Variants in SLC8B1 observed in about 807,000 individuals in gnomAD.
SLC8B1 encodes the protein solute carrier family 8 member B1, also known as mitochondrial sodium/calcium exchanger protein.
A neutral mutation model predicts 63.4 loss-of-function variants in SLC8B1; 52 were observed. That is an observed-to-expected ratio of 0.82 (90% CI 0.66 to 1.03). The LOEUF is 1.03. Ranked by LOEUF, SLC8B1 falls within the 50% of genes least tolerant of loss-of-function variation. The pLI is 0.00. For missense variants in SLC8B1, 657 were observed against 741.7 expected (o/e 0.89, Z 1.33); for synonymous variants, 336 against 323.9 (o/e 1.04, Z -0.40).
intron 2 of SLC8B1, among the ~76,000 whole-genome samples, chr12:113,331,843 G>A (rs1159863699): frequency 6.6e-6 from 1 of 152,062 alleles, no homozygotes; most frequent in East Asian, 1.9e-4. Flanking sequence ...GGGACCCTCT[G>A]CTTAAAACCT....
At chr12:113,326,892 T>C (rs1333793184) in intron 2 of SLC8B1, among the ~76,000 whole-genome samples, 2 of 152,102 alleles carry the variant, frequency 1.3e-5, no homozygotes, top group African/African-American at 4.8e-5. Context: ...GGAGTGATGG[T>C]GTGCACATCC....
intron 8 of SLC8B1, among the ~76,000 whole-genome samples, chr12:113,318,081 G>C (rs888142965): frequency 4.6e-5 from 7 of 151,990 alleles, no homozygotes; most frequent in Admixed American, 1.3e-4. Flanking sequence ...ATATATTTGT[G>C]TCTGTTGTAT....
At chr12:113,324,561 C>T (rs948451626) in intron 2 of SLC8B1, among the ~76,000 whole-genome samples, 2 of 151,740 alleles carry the variant, frequency 1.3e-5, no homozygotes, top group African/African-American at 4.8e-5. Context: ...TGCCCACCGA[C>T]ACGCCCGGCT....
chr12:113,307,611 A>G, intron 13 of SLC8B1, 80 bp downstream of exon 13: 1 of 1,530,260 alleles, frequency 6.5e-7, no homozygotes, highest in Non-Finnish European at 8.9e-7. Context: ...TCCTGCCCAG[A>G]TGCGACTCTG....
intron 2 of SLC8B1, among the ~76,000 whole-genome samples, chr12:113,324,318 AAC>A (rs1477409703): frequency 1.3e-5 from 2 of 151,456 alleles, no homozygotes; most frequent in African/African-American, 2.4e-5. Context: ...CTCAAAAAAA[AAC>A]AAACAAACAA....
In SLC8B1 at chr12:113,319,323, A is replaced by C. The variant is rs953149178; in HGVS notation, c.695-252T>G. On this transcript the variant is annotated intron_variant, in intron 7 of 15. Coordinates refer to ENST00000680972, the MANE Select transcript of SLC8B1 (RefSeq NM_001358345.2). ...CACAGCGAGAGACCTCCAGGTCCCC[A>C]TTCAAGTACTAAGGGTCGGTGTCCT... The C allele has an allele frequency of 1.6e-5, 7 of 429,770 alleles. No homozygotes were observed. The Admixed American group carries it at 2.2e-4, about 13-fold the overall frequency. 26.6% of individuals were successfully genotyped at this position (429,770 alleles called of 1,614,324 possible).
rs573979229 is a variant in SLC8B1, at chr12:113,332,355, T to G, written c.156+368A>C. Among the ~76,000 whole-genome samples the G allele has an allele frequency of 1.6e-3, 250 of 152,294 alleles. 1 individual carries two copies. Among genetic ancestry groups the G allele is most frequent in the Non-Finnish European group, 2.9e-3 (195 of 68,026 alleles). Reference sequence around the variant, plus strand: ...GGTACAATCCTGGCTCACTGCAACATCCACCTCACGGTTTCAAGCAATTCT... The same window carrying G: ...GGTACAATCCTGGCTCACTGCAACAGCCACCTCACGGTTTCAAGCAATTCT... On this transcript the variant is annotated intron_variant, in intron 2 of 15. Coordinates refer to ENST00000680972, the MANE Select transcript of SLC8B1 (RefSeq NM_001358345.2).
chr12:113,302,363 T>A, intron 15 of SLC8B1: 1 of 259,410 alleles, frequency 3.9e-6, no homozygotes, highest in Non-Finnish European at 7.7e-6. Flanking sequence ...CCTCTGGAGC[T>A]TGGAGGTGGC....
chr12:113,307,585 C>T, intron 13 of SLC8B1, 106 bp downstream of exon 13: 1 of 1,384,514 alleles, frequency 7.2e-7, no homozygotes, highest in East Asian at 2.4e-5. Context: ...GTGCAGAGGG[C>T]AGACACCCTG....
At position 113,299,754 on chromosome 12, in the gene SLC8B1, G is replaced by GC; in HGVS notation, c.*22dup. On this transcript the variant is annotated 3_prime_UTR_variant, in exon 16 of 16. Coordinates refer to ENST00000680972, the MANE Select transcript of SLC8B1 (RefSeq NM_001358345.2). ...GGGCGGGGCTCCTGCCTGCAGTGAG[G>GC]CCACAGCACTAAGCGGCTTCAGTCA... 1 of 1,610,628 alleles carries GC rather than the reference G, an allele frequency of 6.2e-7. No homozygotes were observed. The highest frequency in any genetic ancestry group is 8.5e-7 in the Non-Finnish European group (1 of 1,177,202).
rs754420571 is a variant in SLC8B1, at chr12:113,320,488, C to A, written c.537G>T (p.Val179=). 6.2e-7 allele frequency: 1 copy of A among 1,614,106 alleles called. No individual in the cohort carries two copies. The highest frequency in any genetic ancestry group is 8.5e-7 in the Non-Finnish European group (1 of 1,180,024). ...LALGALFGAG[V]LVTTVVAGGI... ...CTCCGGCCACCACTGTGGTAACCAG[C>A]ACGCCAGCGCCTGGGGGGAGGAGGC... is the stretch of plus-strand genomic sequence containing the variant. Residue 179 remains valine (V), a synonymous_variant, in exon 7 of 16, where the codon GTG becomes GTT. Transcript: ENST00000680972. The surrounding 1 kb of genome is among the most constrained non-coding windows in gnomAD (Gnocchi z 5.3).
chr12:113,304,413 G>A (rs755753137), intron 14 of SLC8B1, 28 bp from the exon 15 acceptor site: 4 of 1,609,398 alleles, frequency 2.5e-6, no homozygotes, highest in Non-Finnish European at 3.4e-6. Context: ...AAGCTTTGCT[G>A]GAATGGCCTG....
chr12:113,310,191 C>CA (rs763647011), intron 12 of SLC8B1, 43 bp downstream of exon 12: 2 of 1,599,438 alleles, frequency 1.3e-6, no homozygotes, highest in Non-Finnish European at 1.7e-6. Flanking sequence ...TGGGAGACAT[C>CA]AGCATCCCTC....
Position 113,305,936 on chromosome 12 carries a change from G to A in SLC8B1, c.1492+559C>T, listed in dbSNP as rs973018976. Among the ~76,000 whole-genome samples the A allele has an allele frequency of 6.6e-6, 1 of 151,896 alleles. No homozygotes were observed. Among genetic ancestry groups the A allele is most frequent in the African/African-American group, 2.4e-5 (1 of 41,338 alleles). On this transcript the variant is annotated intron_variant, in intron 14 of 15. Coordinates refer to ENST00000680972, the MANE Select transcript of SLC8B1 (RefSeq NM_001358345.2). The surrounding 1 kb of genome is among the most constrained non-coding windows in gnomAD (Gnocchi z 4.3). ...TAGCTGGGCGTGGTCGTGGGCGCCT[G>A]TAGTCCCAGCTACTCAGAAGACTGA...
At chr12:113,309,317 C>T (rs559656593) in intron 12 of SLC8B1, among the ~76,000 whole-genome samples, 49 of 151,108 alleles carry the variant, frequency 3.2e-4, no homozygotes, top group Admixed American at 5.9e-4. Flanking sequence ...TACAGGTGCC[C>T]GCCACCACGC....
intron 2 of SLC8B1, among the ~76,000 whole-genome samples, chr12:113,328,067 A>G (rs1957017124): frequency 6.6e-6 from 1 of 151,292 alleles, no homozygotes; most frequent in Non-Finnish European, 1.5e-5. Context: ...GGTTCTGTCT[A>G]TGTCACCCAG....
intron 3 of SLC8B1, 28 bp from the exon 4 acceptor site, chr12:113,321,136 G>C: frequency 6.2e-7 from 1 of 1,614,018 alleles, no homozygotes; most frequent in Non-Finnish European, 8.5e-7. Context: ...GAGGAAGGGA[G>C]AGTCAAGTCC....
chr12:113,306,431 G>T, intron 14 of SLC8B1, 64 bp downstream of exon 14: 1 of 1,387,776 alleles, frequency 7.2e-7, no homozygotes, highest in Non-Finnish European at 9.8e-7. Context: ...GGTGGGGCAT[G>T]GAGCACACCC....
intron 15 of SLC8B1, among the ~76,000 whole-genome samples, chr12:113,301,420 T>A (rs1956586253): frequency 7.3e-6 from 1 of 137,824 alleles, no homozygotes; most frequent in African/African-American, 2.7e-5. Context: ...CACAGCAACC[T>A]CTACCTCCCA....
Sources: gnomAD v4.1 joint callset for allele counts (sites outside exome capture counted in the v4.1 genomes callset) on GRCh38, gnomAD v4.1.1 for gene constraint, Gnocchi (gnomAD v3.1) non-coding constraint, MANE v1.5 for transcripts, NCBI Gene and HGNC (gene_info 2026-07-23, HGNC 2026-07-21) for gene names.